The following FOXR1 variants were observed in gnomAD, a reference collection of about 807,000 sequenced individuals.
The protein encoded by FOXR1 is forkhead box protein R1.
A neutral mutation model predicts 34.5 loss-of-function variants in FOXR1; 25 were observed. That is an observed-to-expected ratio of 0.72 (90% confidence interval 0.53 to 1.01). The LOEUF is 1.01. Ranked by LOEUF, FOXR1 falls within the 50% of genes least tolerant of loss-of-function variation. The pLI, the probability that FOXR1 is intolerant of heterozygous loss-of-function variation, is 0.00. For missense variants in FOXR1, 373 were observed against 376.2 expected (o/e 0.99, Z 0.07); for synonymous variants, 153 against 141.6 (o/e 1.08, Z -0.57).
intron 1 of FOXR1, 77 bp downstream of exon 1, chr11:118,972,069 G>A: frequency 1.6e-6 from 2 of 1,257,388 alleles, no homozygotes; most frequent in Admixed American, 2.9e-5. Context: ...CCCCGGGGCA[G>A]ACGGCTCCCC....
At chr11:118,973,159 T>C (rs1053557187) in intron 1 of FOXR1, among the ~76,000 whole-genome samples, 1 of 152,214 alleles carries the variant, frequency 6.6e-6, no homozygotes, top group Non-Finnish European at 1.5e-5. Flanking sequence ...GAACATTCTT[T>C]CTTGTTTCTT....
Position 118,980,627 on chromosome 11 carries a change from T to G in FOXR1, c.749T>G (p.Leu250Arg), listed in dbSNP as rs375200128. 12 of 1,614,226 alleles carry G rather than the reference T, an allele frequency of 7.4e-6. No individual in the cohort carries two copies. Among genetic ancestry groups the G allele is most frequent in the Non-Finnish European group, 1.0e-5 (12 of 1,180,052 alleles). The change falls in exon 5 of 6, where the codon CTC (leucine) becomes CGC (arginine). Residue 250 changes from leucine (L) to arginine (R), a missense_variant. Physicochemically the swap from Leu to Arg is moderately radical, Grantham distance 102 (BLOSUM62 -2). Transcript: ENST00000317011. The part of the protein sequence containing the change: ...GGASTRPRSC[L>R]WKLTEEGHRR... ...GCCAGCACACGGCCTCGATCTTGCC[T>G]CTGGAAGTTGACCGAGGAGGGACAC...
chr11:118,972,135 C>CA (rs1054529942), intron 1 of FOXR1, 143 bp downstream of exon 1: 28 of 569,998 alleles, frequency 4.9e-5, no homozygotes, highest in Admixed American at 1.2e-4. Context: ...CCGCGCCCCC[C>CA]CCCCCCGACG....
rs782055229 is a variant in FOXR1 at position 118,979,157 on chromosome 11, C to A, written c.337C>A (p.Arg113=). Residue 113 remains arginine, a synonymous_variant, in exon 3 of 6, where the codon CGG becomes AGG. Transcript: ENST00000317011. The part of the protein sequence containing the change: ...VESLSQSSSK[R]SPPRKRFAFS... ...ATCACTGTCCCAGTCCTCCAGCAAGCGGTCTCCCCCTCGGAAGCGGTTTGC... is the reference window on the plus strand; with the variant it reads ...ATCACTGTCCCAGTCCTCCAGCAAGAGGTCTCCCCCTCGGAAGCGGTTTGC... 2.6e-6 allele frequency: 4 copies of A among 1,560,024 alleles called. No homozygotes were observed. The African/African-American group carries it at 4.1e-5, about 16-fold the overall frequency.
At chr11:118,979,837 G>A (rs1166567247) in intron 4 of FOXR1, among the ~76,000 whole-genome samples, 169 bp downstream of exon 4, 1 of 152,046 alleles carries the variant, frequency 6.6e-6, no homozygotes, top group Non-Finnish European at 1.5e-5. Flanking sequence ...TGCCCACATT[G>A]TGCCCACATT....
intron 1 of FOXR1, among the ~76,000 whole-genome samples, chr11:118,972,205 G>C (rs1005009937): frequency 2.6e-5 from 4 of 151,072 alleles, no homozygotes; most frequent in African/African-American, 9.7e-5. Context: ...GAGTGGTTTG[G>C]GGGGTGGGGG....
chr11:118,976,395 T>A (rs146965411), intron 1 of FOXR1, among the ~76,000 whole-genome samples: 185 of 152,228 alleles, frequency 1.2e-3, no homozygotes, highest in African/African-American at 4.2e-3. Context: ...AGAGATGGGG[T>A]TTCACCATGT....
At chr11:118,978,209 C>T (rs994932173) in intron 1 of FOXR1, among the ~76,000 whole-genome samples, 8 of 144,240 alleles carry the variant, frequency 5.5e-5, no homozygotes, top group African/African-American at 2.1e-4. Context: ...CAGAGCGAGA[C>T]TCCATCTGAA....
chr11:118,972,056 G>T, intron 1 of FOXR1, 64 bp downstream of exon 1: 2 of 1,331,130 alleles, frequency 1.5e-6, no homozygotes, highest in South Asian at 2.6e-5. Context: ...GGGGCTCGCG[G>T]GACCCCGGGG....
Position 118,971,953 on chromosome 11 carries a change from G to A in FOXR1, c.22G>A (p.Ala8Thr), listed in dbSNP as rs372239132. 5 of 1,554,578 alleles carry A rather than the reference G, an allele frequency of 3.2e-6. No homozygotes were observed. The highest frequency in any genetic ancestry group is 1.4e-5 in the African/African-American group (1 of 73,256). The change falls in exon 1 of 6, where the codon GCC becomes ACC. Residue 8 changes from alanine to threonine, a missense_variant. Physicochemically the swap from Ala to Thr is moderately conservative, Grantham distance 58 (BLOSUM62 0). Coordinates refer to ENST00000317011, the MANE Select transcript of FOXR1 (RefSeq NM_181721.3). The stretch of plus-strand genomic sequence containing the variant: ...GGACATGGGGAACGAGCTCTTTCTG[G>A]CCTTCACCACATCTCACCTCCCCTT... MGNELFLAFTTSHLPLAE... is the reference protein window; with the variant it reads MGNELFLTFTTSHLPLAE...
chr11:118,979,863 T>G (rs782449403), intron 4 of FOXR1, among the ~76,000 whole-genome samples, 195 bp downstream of exon 4: 5 of 152,298 alleles, frequency 3.3e-5, no homozygotes, highest in Non-Finnish European at 5.9e-5. Context: ...GCTTTAGTTT[T>G]TTTTTTCTTT....
chr11:118,980,339 C>T (rs1465538421), intron 4 of FOXR1, 151 bp from the exon 5 acceptor site: 5 of 863,684 alleles, frequency 5.8e-6, no homozygotes, highest in Non-Finnish European at 9.7e-6. Context: ...TTGCCACGTG[C>T]TCAGTTAGCA....
At chr11:118,977,392 C>G (rs1353233497) in intron 1 of FOXR1, among the ~76,000 whole-genome samples, 1 of 152,102 alleles carries the variant, frequency 6.6e-6, no homozygotes, top group African/African-American at 2.4e-5. Flanking sequence ...TTGAGGGTAA[C>G]TGGCATCTTA....
intron 1 of FOXR1, among the ~76,000 whole-genome samples, chr11:118,972,403 A>G (rs987836196): frequency 6.6e-6 from 1 of 152,040 alleles, no homozygotes; most frequent in Non-Finnish European, 1.5e-5. Flanking sequence ...TCTTAAAAAA[A>G]CAGGCCTCAT....
intron 1 of FOXR1, 137 bp downstream of exon 1, chr11:118,972,129 G>GC (rs764442884): frequency 0.074 from 26,089 of 354,238 alleles, 954 homozygotes; most frequent in South Asian, 0.087. Flanking sequence ...AGCGCCCCGC[G>GC]CCCCCCCCCC....
chr11:118,971,961 C>G lies in FOXR1; in HGVS notation c.30C>G (p.Thr10=). 6.4e-7 allele frequency: 1 copy of G among 1,553,286 alleles called. No homozygotes were observed. MGNELFLAF[T]TSHLPLAEQK... The stretch of plus-strand genomic sequence containing the variant: ...GGAACGAGCTCTTTCTGGCCTTCAC[C>G]ACATCTCACCTCCCCTTAGCGGAGC... Residue 10 remains threonine (T), a synonymous_variant, in exon 1 of 6, where the codon ACC becomes ACG. Transcript: ENST00000317011.
In FOXR1 at chr11:118,979,176, G is replaced by T; in HGVS notation, c.356G>T (p.Arg119Leu). ...AGCAAGCGGTCTCCCCCTCGGAAGCGGTTTGCCTTTTCCCCCAGCACCTGG... is the reference window on the plus strand; with the variant it reads ...AGCAAGCGGTCTCCCCCTCGGAAGCTGTTTGCCTTTTCCCCCAGCACCTGG... ...SSSKRSPPRKRFAFSPSTWEL... is the reference protein window; with the variant it reads ...SSSKRSPPRKLFAFSPSTWEL... Residue 119 changes from arginine to leucine, a missense_variant, in exon 3 of 6, where the codon CGG (arginine) becomes CTG (leucine). Arg to Leu is a moderately radical substitution (Grantham distance 102). Coordinates refer to ENST00000317011, the MANE Select transcript of FOXR1 (RefSeq NM_181721.3). 2 of 1,535,372 alleles carry T rather than the reference G, an allele frequency of 1.3e-6. No individual in the cohort carries two copies. Among genetic ancestry groups the T allele is most frequent in the Non-Finnish European group, 1.7e-6 (2 of 1,145,098 alleles).
At chr11:118,980,170 A>G in intron 4 of FOXR1, 1 of 559,524 alleles carries the variant, frequency 1.8e-6, no homozygotes, top group Non-Finnish European at 3.4e-6. Flanking sequence ...GAAGTGCCTA[A>G]TGTCTCAGGA....
Position 118,981,287 on chromosome 11 carries a change from C to G in FOXR1, c.*51C>G. The G allele has an allele frequency of 6.3e-7, 1 of 1,585,862 alleles. No individual in the cohort carries two copies. The highest frequency in any genetic ancestry group is 8.7e-7 in the Non-Finnish European group (1 of 1,154,394). ...GCTTTATTAAAATTACCCTCACTAG[C>G]CTTCTGTGTGTGTCTGTGGAGGTGG... On this transcript the variant is annotated 3_prime_UTR_variant, in exon 6 of 6. Coordinates refer to ENST00000317011, the MANE Select transcript of FOXR1 (RefSeq NM_181721.3).
Sources: gnomAD v4.1 joint callset for allele counts (sites outside exome capture counted in the v4.1 genomes callset) on GRCh38, gnomAD v4.1.1 for gene constraint, MANE v1.5 for transcripts, NCBI Gene and HGNC (gene_info 2026-07-23, HGNC 2026-07-21) for gene names.